Variants in ELL2 observed in about 807,000 individuals in gnomAD.
The protein encoded by ELL2 is RNA polymerase II elongation factor ELL2.
A neutral mutation model predicts 72.8 loss-of-function variants in ELL2; 21 were observed. The ratio of observed to expected loss-of-function variants is 0.29; its 90% confidence interval spans 0.20 to 0.42. The LOEUF (loss-of-function observed/expected upper bound fraction) is 0.42. Among genes scored for constraint, ELL2 ranks in the 10% least tolerant of loss-of-function variants. The pLI, the probability that ELL2 is intolerant of heterozygous loss-of-function variation, is 1.00. For missense variants in ELL2, 568 were observed against 772.8 expected (o/e 0.73, Z 3.14); for synonymous variants, 266 against 283.2 (o/e 0.94, Z 0.61).
intron 2 of ELL2, among the ~76,000 whole-genome samples, chr5:95,941,440 A>T (rs1319897659): frequency 6.6e-6 from 1 of 152,156 alleles, no homozygotes; most frequent in Admixed American, 6.5e-5. Context: ...GCCCAGGGGC[A>T]ACTAGTATGC....
chr5:95,946,672 T>C (rs776709079), intron 1 of ELL2, among the ~76,000 whole-genome samples: 103 of 152,342 alleles, frequency 6.8e-4, no homozygotes, highest in Non-Finnish European at 1.1e-3. Context: ...CTCCCAACAA[T>C]GGCTCAGCTA....
chr5:95,916,995 A>T lies in ELL2; in HGVS notation c.317+2429T>A, dbSNP rs1749836275. 2.0e-5 allele frequency among the ~76,000 whole-genome samples: 3 copies of T among 152,326 alleles called. No homozygotes were observed. In the South Asian group the frequency reaches 6.2e-4, roughly 32 times the overall value. On this transcript the variant is annotated intron_variant, in intron 3 of 11. Coordinates refer to ENST00000237853, the MANE Select transcript of ELL2 (RefSeq NM_012081.6). The stretch of plus-strand genomic sequence containing the variant: ...ATCTTTATGCAAAACAAACGGAGCT[A>T]AACGCTGTAGGCAAGAAGGTACTCT...
At chr5:95,959,547 C>G (rs1751736950) in intron 1 of ELL2, among the ~76,000 whole-genome samples, 1 of 152,192 alleles carries the variant, frequency 6.6e-6, no homozygotes, top group Non-Finnish European at 1.5e-5. Context: ...GCCTGTGTTT[C>G]TGGCTTCCCC....
At chr5:95,945,000 T>A (rs768055672) in intron 1 of ELL2, among the ~76,000 whole-genome samples, 1 of 152,196 alleles carries the variant, frequency 6.6e-6, no homozygotes, top group Non-Finnish European at 1.5e-5. Flanking sequence ...GAAAGGCTAG[T>A]GCCTTTCCTT....
intron 1 of ELL2, among the ~76,000 whole-genome samples, chr5:95,944,579 A>G (rs940022444): frequency 7.9e-5 from 12 of 152,230 alleles, no homozygotes; most frequent in African/African-American, 2.9e-4. Flanking sequence ...TGCCACCCCC[A>G]AACTACTTTC....
At chr5:95,931,302 C>A (rs1460505696) in intron 2 of ELL2, among the ~76,000 whole-genome samples, 2 of 151,890 alleles carry the variant, frequency 1.3e-5, no homozygotes, top group African/African-American at 4.8e-5. Flanking sequence ...CAGAGATAAC[C>A]CATCTAAGGT....
chr5:95,903,245 G>C (rs1749213458), intron 5 of ELL2, among the ~76,000 whole-genome samples: 1 of 111,818 alleles, frequency 8.9e-6, no homozygotes, highest in African/African-American at 3.5e-5. Context: ...CCGAGACAGA[G>C]TCTTGCTCTG....
intron 1 of ELL2, among the ~76,000 whole-genome samples, chr5:95,945,783 C>A (rs1347897339): frequency 6.6e-6 from 1 of 152,132 alleles, no homozygotes. Flanking sequence ...GGTCAGAGGG[C>A]AGGTCTGTAT....
rs1434001145 is a variant in ELL2 at position 95,913,778 on chromosome 5, T to C, written c.474A>G (p.Pro158=). 2 of 1,607,604 alleles carry C rather than the reference T, an allele frequency of 1.2e-6. No individual in the cohort carries two copies. Among genetic ancestry groups the C allele is most frequent in the East Asian group, 2.3e-5 (1 of 44,254 alleles). The stretch of plus-strand genomic sequence containing the variant: ...AAAGATATCTATACAAACCTACATA[T>C]GGTCCACCGGGTTTGATAACTTTTG... The part of the protein sequence containing the change: ...RSTKVIKPGG[P]YVGKRVQIRK... Residue 158 remains proline, a synonymous_variant, in exon 4 of 12, where the codon CCA becomes CCG. Transcript: ENST00000237853.
chr5:95,919,828 G>T (rs1043475501), intron 2 of ELL2, among the ~76,000 whole-genome samples: 2 of 152,096 alleles, frequency 1.3e-5, no homozygotes, highest in Non-Finnish European at 2.9e-5. Context: ...TCATTTCAAA[G>T]TAGCAAATGG....
At chr5:95,947,184 T>G (rs866676870) in intron 1 of ELL2, among the ~76,000 whole-genome samples, 1 of 152,164 alleles carries the variant, frequency 6.6e-6, no homozygotes, top group Non-Finnish European at 1.5e-5. Flanking sequence ...CTTACAAGTA[T>G]TACGTGCTCA....
intron 1 of ELL2, among the ~76,000 whole-genome samples, chr5:95,950,635 A>G (rs1227481208): frequency 6.6e-6 from 1 of 151,944 alleles, no homozygotes; most frequent in Non-Finnish European, 1.5e-5. Flanking sequence ...CACAAAACCA[A>G]TCTAGTATTT....
intron 7 of ELL2, 92 bp downstream of exon 7, chr5:95,900,601 C>T (rs563561347): frequency 6.0e-5 from 56 of 935,592 alleles, no homozygotes; most frequent in African/African-American, 1.7e-4. Context: ...CCAGCTTCTC[C>T]GGGTCTCATT....
rs1561484720 is a variant in ELL2 at position 95,886,330 on chromosome 5, CAACT to C, written c.*2537_*2540del. 1.3e-5 allele frequency: 2 copies of C among 152,162 alleles called. No homozygotes were observed. Among genetic ancestry groups the C allele is most frequent in the Non-Finnish European group, 1.5e-5 (1 of 68,024 alleles). The allele number at this position is 152,162 out of a possible 1,614,324, so 9.4% of individuals were successfully genotyped here. ...CAGAGATTTATAATTTTCAAATTTA[CAACT>C]AATAGACAGACACACTTTTGCAAGG... On this transcript the variant is annotated 3_prime_UTR_variant, in exon 12 of 12. Transcript: ENST00000237853.
intron 1 of ELL2, among the ~76,000 whole-genome samples, chr5:95,947,196 C>G (rs755666310): frequency 1.3e-5 from 2 of 150,554 alleles, no homozygotes; most frequent in African/African-American, 2.4e-5. Flanking sequence ...ACGTGCTCAG[C>G]TAAAAAAAAA....
intron 2 of ELL2, among the ~76,000 whole-genome samples, chr5:95,931,399 A>G (rs915634625): frequency 3.9e-5 from 6 of 152,136 alleles, no homozygotes; most frequent in African/African-American, 9.7e-5. Flanking sequence ...TCCCACTCCA[A>G]TTCTGACCTG....
rs920133391 is a variant in ELL2, at chr5:95,939,840, T to C, written c.195+3162A>G. Among the ~76,000 whole-genome samples, 4 of 152,234 alleles carry C rather than the reference T, an allele frequency of 2.6e-5. No individual in the cohort carries two copies. The South Asian group carries it at 8.3e-4, about 31-fold the overall frequency. On this transcript the variant is annotated intron_variant, in intron 2 of 11. Coordinates refer to ENST00000237853, the MANE Select transcript of ELL2 (RefSeq NM_012081.6). Reference sequence around the variant, plus strand: ...GGAAATTGGGTGCATTATACCATTATACCCCTCTGAATGTTGTAACTTGAA... The same window carrying C: ...GGAAATTGGGTGCATTATACCATTACACCCCTCTGAATGTTGTAACTTGAA...
intron 1 of ELL2, 66 bp from the exon 2 acceptor site, chr5:95,943,115 TA>T (rs1751030872): frequency 1.4e-6 from 2 of 1,387,230 alleles, no homozygotes; most frequent in African/African-American, 1.5e-5. Context: ...ACTAAATGTT[TA>T]AACTTTAAAT....
intron 3 of ELL2, among the ~76,000 whole-genome samples, chr5:95,915,238 G>T (rs1370139425): frequency 1.3e-5 from 2 of 152,108 alleles, no homozygotes; most frequent in Non-Finnish European, 2.9e-5. Context: ...AAGTAGCTGG[G>T]ACTACAGGCA....
Sources: gnomAD v4.1 joint callset for allele counts (sites outside exome capture counted in the v4.1 genomes callset) on GRCh38, gnomAD v4.1.1 for gene constraint, MANE v1.5 for transcripts, NCBI Gene and HGNC (gene_info 2026-07-23, HGNC 2026-07-21) for gene names.